Variants in LRP1B observed in about 807,000 individuals in gnomAD.
The protein encoded by LRP1B is LDL receptor related protein 1B, also known as low-density lipoprotein receptor-related protein 1B.
In LRP1B, 217 loss-of-function variants were observed where a neutral mutation model predicts 556.6. That is an observed-to-expected ratio of 0.39 (90% CI 0.35 to 0.44). The LOEUF is 0.44. Among genes scored for constraint, LRP1B ranks in the 20% least tolerant of loss-of-function variants. The probability of loss-of-function intolerance (pLI) is 1.00; values close to 1 mark genes in which losing one functional copy is unlikely to be tolerated. For missense variants in LRP1B, 5,053 were observed against 5,620.8 expected (o/e 0.90, Z 3.23); for synonymous variants, 2,047 against 1,865.8 (o/e 1.10, Z -2.50).
intron 41 of LRP1B, among the ~76,000 whole-genome samples, chr2:140,630,624 C>T (rs775840932): frequency 1.3e-5 from 2 of 152,110 alleles, no homozygotes; most frequent in Admixed American, 6.5e-5. Flanking sequence ...TTTTTGTGTG[C>T]TTTACTTCTA....
intron 35 of LRP1B, among the ~76,000 whole-genome samples, chr2:140,747,952 C>A (rs768193780): frequency 1.3e-5 from 2 of 150,934 alleles, no homozygotes; most frequent in South Asian, 2.1e-4. Flanking sequence ...GGACGTAGGG[C>A]GGGTTTATTG....
At chr2:141,276,220 T>C (rs1173216377) in intron 3 of LRP1B, among the ~76,000 whole-genome samples, 19 of 152,252 alleles carry the variant, frequency 1.2e-4, no homozygotes, top group Non-Finnish European at 2.4e-4. Flanking sequence ...TTCACATAAC[T>C]ATCTTCACTT....
At chr2:141,140,229 A>G (rs1053269568) in intron 7 of LRP1B, among the ~76,000 whole-genome samples, 1 of 152,170 alleles carries the variant, frequency 6.6e-6, no homozygotes, top group Admixed American at 6.5e-5. Flanking sequence ...GGAGAGATGT[A>G]CAGGATCATT....
At chr2:140,698,937 A>G (rs753968993) in intron 41 of LRP1B, among the ~76,000 whole-genome samples, 16 of 152,090 alleles carry the variant, frequency 1.1e-4, no homozygotes, top group Non-Finnish European at 1.8e-4. Flanking sequence ...AATCACATGC[A>G]TTAATATTAT....
chr2:141,479,826 T>C (rs1682851979), intron 3 of LRP1B, among the ~76,000 whole-genome samples: 1 of 152,182 alleles, frequency 6.6e-6, no homozygotes, highest in African/African-American at 2.4e-5. Flanking sequence ...ATTTTAATTA[T>C]TATCCCTCAT....
In LRP1B at chr2:141,013,251, G is replaced by A. The variant is rs111232503; in HGVS notation, c.2380+305C>T. Among the ~76,000 whole-genome samples, 64 of 152,044 alleles carry A rather than the reference G, an allele frequency of 4.2e-4. 1 individual carries two copies. The highest frequency in any genetic ancestry group is 1.5e-3 in the African/African-American group (61 of 41,536). ...AATACTTACGCTTTGAAAACATTAA[G>A]AGAATTGTTTTTCTTTAAATAACTA... is the stretch of plus-strand genomic sequence containing the variant. On this transcript the variant is annotated intron_variant, in intron 14 of 90. Transcript: ENST00000389484.
At chr2:140,914,406 G>C (rs1030682961) in intron 21 of LRP1B, among the ~76,000 whole-genome samples, 1 of 152,126 alleles carries the variant, frequency 6.6e-6, no homozygotes, top group Non-Finnish European at 1.5e-5. Context: ...TGAGCATACA[G>C]GGGATTACAT....
intron 2 of LRP1B, among the ~76,000 whole-genome samples, chr2:141,587,737 C>T (rs2105289670): frequency 6.6e-6 from 1 of 152,138 alleles, no homozygotes; most frequent in East Asian, 1.9e-4. Flanking sequence ...ATAATTACTT[C>T]AGTAGTTAAC....
At chr2:141,888,194 C>T (rs1014518069) in intron 1 of LRP1B, among the ~76,000 whole-genome samples, 3 of 152,100 alleles carry the variant, frequency 2.0e-5, no homozygotes, top group African/African-American at 7.2e-5. Flanking sequence ...TAAGAAGCTT[C>T]CTCAGGAACA....
chr2:140,499,441 TAC>T (rs950434330), intron 55 of LRP1B, among the ~76,000 whole-genome samples: 2 of 151,468 alleles, frequency 1.3e-5, no homozygotes, highest in Admixed American at 6.6e-5. Context: ...CACACACATA[TAC>T]ACACACACAG....
chr2:140,849,020 G>A (rs1313209542), intron 29 of LRP1B, among the ~76,000 whole-genome samples: 1 of 151,834 alleles, frequency 6.6e-6, no homozygotes, highest in Non-Finnish European at 1.5e-5. Context: ...GTTAGTCTAG[G>A]TCTGTAAAAA....
At chr2:141,040,737 G>A (rs563374228) in intron 11 of LRP1B, among the ~76,000 whole-genome samples, 2 of 152,042 alleles carry the variant, frequency 1.3e-5, no homozygotes, top group South Asian at 4.1e-4. Context: ...CAATTGGAGG[G>A]ACAGCTGATT....
intron 1 of LRP1B, among the ~76,000 whole-genome samples, chr2:141,987,068 C>T (rs1270127437): frequency 2.6e-5 from 4 of 151,960 alleles, no homozygotes; most frequent in African/African-American, 9.7e-5. Context: ...ATACCAGGCA[C>T]ATAATTCACT....
intron 3 of LRP1B, among the ~76,000 whole-genome samples, chr2:141,478,995 C>T (rs933699075): frequency 1.3e-5 from 2 of 152,004 alleles, no homozygotes; most frequent in Non-Finnish European, 1.5e-5. Context: ...AATTTTAATG[C>T]TAAGAAAGGA....
intron 7 of LRP1B, among the ~76,000 whole-genome samples, chr2:141,083,168 G>T (rs1184936099): frequency 1.3e-5 from 2 of 152,036 alleles, no homozygotes; most frequent in African/African-American, 4.8e-5. Context: ...TAGTCTCCAT[G>T]AATCTTTCAT....
chr2:141,716,299 G>A (rs1030793077), intron 2 of LRP1B, among the ~76,000 whole-genome samples: 3 of 152,180 alleles, frequency 2.0e-5, no homozygotes, highest in Admixed American at 2.0e-4. Flanking sequence ...AAATTGTAGT[G>A]CTCAAGTCCT....
chr2:140,562,062 G>A (rs1016085791), intron 43 of LRP1B, among the ~76,000 whole-genome samples: 27 of 152,136 alleles, frequency 1.8e-4, no homozygotes, highest in African/African-American at 6.0e-4. Context: ...CAGCAAATTA[G>A]AAATAAAAGG....
chr2:141,126,635 C>A lies in LRP1B; in HGVS notation c.1013+61786G>T, dbSNP rs528198948. Among the ~76,000 whole-genome samples, 3 of 152,252 alleles carry A rather than the reference C, an allele frequency of 2.0e-5. No individual in the cohort carries two copies. The East Asian group carries it at 5.8e-4, about 29-fold the overall frequency. The stretch of plus-strand genomic sequence containing the variant: ...TGCATCTGAAGACACTTTTTCAACA[C>A]AATAGCCTCTTGGTCCTTTACCTTT... On this transcript the variant is annotated intron_variant, in intron 7 of 90. Coordinates refer to ENST00000389484, the MANE Select transcript of LRP1B (RefSeq NM_018557.3).
chr2:140,295,352 T>C (rs988880762), intron 84 of LRP1B, among the ~76,000 whole-genome samples: 3 of 152,210 alleles, frequency 2.0e-5, no homozygotes, highest in Non-Finnish European at 4.4e-5. Flanking sequence ...CCTAATATGA[T>C]AAGAATAAAC....
Sources: allele counts gnomAD v4.1 joint callset (sites outside exome capture counted in the v4.1 genomes callset), GRCh38; gene constraint gnomAD v4.1.1; transcripts MANE v1.5; gene names NCBI Gene and HGNC (gene_info 2026-07-23, HGNC 2026-07-21).